Variants in MTFR1 observed in about 807,000 individuals in gnomAD.
MTFR1 encodes chondrocyte protein with a poly-proline region.
Under a neutral mutation model 38.8 loss-of-function variants are expected in MTFR1, and 28 were observed. The observed-to-expected ratio is 0.72, with a 90% CI of 0.53 to 0.99. The LOEUF (loss-of-function observed/expected upper bound fraction) is 0.99, where lower values mean the gene tolerates loss of function less well. MTFR1 is among the 50% of genes least tolerant of loss of function. The probability of loss-of-function intolerance (pLI) is 0.00; values close to 1 mark genes in which losing one functional copy is unlikely to be tolerated. For missense variants in MTFR1, 358 were observed against 395.5 expected, an observed-to-expected ratio of 0.91 and a Z score of 0.81; for synonymous variants, 145 against 137.0, an observed-to-expected ratio of 1.06 and a Z score of -0.41.
chr8:65,692,136 T>C (rs1050401490), intron 3 of MTFR1, among the ~76,000 whole-genome samples: 4 of 152,220 alleles, frequency 2.6e-5, no homozygotes, highest in Admixed American at 2.0e-4. Flanking sequence ...CATTTTTTCC[T>C]TAATTAAAAA....
intron 3 of MTFR1, among the ~76,000 whole-genome samples, chr8:65,770,428 C>G (rs1323430150): frequency 1.3e-5 from 2 of 152,156 alleles, no homozygotes; most frequent in Non-Finnish European, 2.9e-5. Context: ...CTTATAAAAT[C>G]ATCAGATTTC....
At chr8:65,702,192 CCT>C (rs1319951635) in intron 4 of MTFR1, among the ~76,000 whole-genome samples, 1 of 152,068 alleles carries the variant, frequency 6.6e-6, no homozygotes, top group African/African-American at 2.4e-5. Flanking sequence ...TGGATTGCTT[CCT>C]CTGTCAAAAT....
chr8:65,716,059 G>A, intron 2 of MTFR1, among the ~76,000 whole-genome samples: 1 of 145,450 alleles, frequency 6.9e-6, no homozygotes, highest in Non-Finnish European at 1.5e-5. Flanking sequence ...TCAGGAGGCT[G>A]AGGTGGGAGG....
At chr8:65,726,476 TTAATGAATCTATTTAATG>T (rs1447137862) in intron 3 of MTFR1, among the ~76,000 whole-genome samples, 1 of 152,196 alleles carries the variant, frequency 6.6e-6, no homozygotes, top group African/African-American at 2.4e-5. Flanking sequence ...GGAACAGATT[TTAATGAATCTATTTAATG>T]TAATAGAATG....
At chr8:65,664,610 G>GTT (rs766902728) in intron 1 of MTFR1, among the ~76,000 whole-genome samples, 43 of 129,768 alleles carry the variant, frequency 3.3e-4, no homozygotes, top group East Asian at 4.5e-4. Context: ...GTTTTCCTTT[G>GTT]TTTTTTTTTT....
chr8:65,757,931 T>C (rs902201810), intron 3 of MTFR1, among the ~76,000 whole-genome samples: 2 of 152,244 alleles, frequency 1.3e-5, no homozygotes, highest in African/African-American at 4.8e-5. Flanking sequence ...CCAAGACTTT[T>C]AATGTAATAT....
intron 3 of MTFR1, among the ~76,000 whole-genome samples, chr8:65,751,481 T>G (rs1807952862): frequency 6.6e-6 from 1 of 152,154 alleles, no homozygotes; most frequent in South Asian, 2.1e-4. Context: ...TGAGGTTTTT[T>G]TTTTTCTTTT....
chr8:65,663,753 C>T (rs1410592550), intron 1 of MTFR1, among the ~76,000 whole-genome samples: 3 of 148,994 alleles, frequency 2.0e-5, no homozygotes, highest in Non-Finnish European at 4.5e-5. Context: ...CAGTTTCTTT[C>T]CCCCTCCCCT....
At chr8:65,715,947 A>G (rs1452382445) in intron 2 of MTFR1, among the ~76,000 whole-genome samples, 2 of 143,908 alleles carry the variant, frequency 1.4e-5, no homozygotes, top group Non-Finnish European at 3.0e-5. Context: ...CAGTGAGCCA[A>G]TATCGCGGCA....
chr8:65,690,118 AT>A (rs776565884), intron 3 of MTFR1, among the ~76,000 whole-genome samples: 7 of 152,108 alleles, frequency 4.6e-5, no homozygotes, highest in Admixed American at 1.3e-4. Context: ...TAACATATTA[AT>A]TTTATGGAGG....
At chr8:65,705,018 T>C (rs1002724448) in intron 5 of MTFR1, 89 bp downstream of exon 5, 20 of 1,151,550 alleles carry the variant, frequency 1.7e-5, no homozygotes, top group Non-Finnish European at 2.5e-5. Flanking sequence ...GTAACAGCTA[T>C]TGGGGTTCTT....
At chr8:65,766,353 A>T (rs1466929330) in intron 3 of MTFR1, among the ~76,000 whole-genome samples, 2 of 152,274 alleles carry the variant, frequency 1.3e-5, no homozygotes, top group Admixed American at 1.3e-4. Context: ...CTAATTGAAC[A>T]GAGGAAAATC....
At chr8:65,677,384 CTT>C (rs771296415) in intron 2 of MTFR1, among the ~76,000 whole-genome samples, 13 of 104,672 alleles carry the variant, frequency 1.2e-4, no homozygotes, top group Admixed American at 2.0e-4. Context: ...TTAGCTGTTT[CTT>C]TTTTTTTTTT....
At chr8:65,767,807 T>A (rs1325932927) in intron 3 of MTFR1, among the ~76,000 whole-genome samples, 1 of 152,178 alleles carries the variant, frequency 6.6e-6, no homozygotes, top group East Asian at 1.9e-4. Context: ...TCCTTTGCAA[T>A]ATCCTTGATA....
chr8:65,727,337 T>C lies in MTFR1; in HGVS notation c.*48+7856T>C, dbSNP rs892466792. ...ACAAAAGAATAATGAATCACAGATATATCTAAAATAAGCTCTACGCCATCA... is the reference window on the plus strand; with the variant it reads ...ACAAAAGAATAATGAATCACAGATACATCTAAAATAAGCTCTACGCCATCA... On this transcript the variant is annotated intron_variant, in intron 3 of 3. Coordinates refer to the MTFR1 transcript ENST00000521247. 11 of 1,611,220 alleles carry C rather than the reference T, an allele frequency of 6.8e-6. No individual in the cohort carries two copies. The South Asian group carries it at 1.1e-4, about 16-fold the overall frequency.
chr8:65,706,393 T>C (rs1029709789), intron 5 of MTFR1, among the ~76,000 whole-genome samples: 4 of 152,124 alleles, frequency 2.6e-5, no homozygotes, highest in Non-Finnish European at 2.9e-5. Flanking sequence ...AGAAAGAGGA[T>C]TTTTAGGTCC....
At chr8:65,766,276 G>A (rs941291631) in intron 3 of MTFR1, among the ~76,000 whole-genome samples, 1 of 152,086 alleles carries the variant, frequency 6.6e-6, no homozygotes, top group African/African-American at 2.4e-5. Flanking sequence ...AAATCAATAT[G>A]GAATTTATTT....
intron 3 of MTFR1, among the ~76,000 whole-genome samples, chr8:65,767,145 C>A (rs1047762996): frequency 1.1e-4 from 16 of 152,146 alleles, no homozygotes; most frequent in Admixed American, 8.5e-4. Context: ...AATCTTGTAG[C>A]CCTCAACACC....
intron 4 of MTFR1, among the ~76,000 whole-genome samples, chr8:65,701,396 A>T (rs1382906971): frequency 1.3e-5 from 2 of 152,240 alleles, no homozygotes; most frequent in East Asian, 3.8e-4. Context: ...ATTGTCATCA[A>T]GCGTTTGATT....
Sources: allele counts gnomAD v4.1 joint callset (sites outside exome capture counted in the v4.1 genomes callset), GRCh38; gene constraint gnomAD v4.1.1; transcripts MANE v1.5; gene names NCBI Gene and HGNC (gene_info 2026-07-23, HGNC 2026-07-21).